MBNL2: variants seen among roughly 807,000 people sequenced by gnomAD.
The protein encoded by MBNL2 is muscleblind like splicing regulator 2, also known as muscleblind-like protein 2.
In MBNL2, 17 loss-of-function variants were observed where a neutral mutation model predicts 41.9. The observed-to-expected ratio is 0.41, with a 90% confidence interval of 0.28 to 0.61. The LOEUF is 0.61. MBNL2 is among the 20% of genes least tolerant of loss of function. The pLI is 0.35. For missense variants in MBNL2, 336 were observed against 505.6 expected, an observed-to-expected ratio of 0.66 and a Z score of 3.22; for synonymous variants, 195 against 182.9, an observed-to-expected ratio of 1.07 and a Z score of -0.53.
chr13:97,322,732 C>T (rs2059606018), intron 2 of MBNL2, among the ~76,000 whole-genome samples: 1 of 152,172 alleles, frequency 6.6e-6, no homozygotes, highest in African/African-American at 2.4e-5. Context: ...TTCCCTATTC[C>T]TGTCTCCATA....
Position 97,346,243 on chromosome 13 carries a change from AGATGGATGGATG to A in MBNL2, c.541-541_541-530del, listed in dbSNP as rs3055758. Among the ~76,000 whole-genome samples the A allele has an allele frequency of 5.7e-4, 86 of 151,022 alleles. No homozygotes were observed. The highest frequency in any genetic ancestry group is 3.4e-3 in the Middle Eastern group (1 of 292). ...AAATAATGATAGATTAACAGATAAT[AGATGGATGGATG>A]GATGGATGGATGGATGGATAGATGG... On this transcript the variant is annotated intron_variant, in intron 4 of 8. Transcript: ENST00000679496. This position sits in a 1 kb window ranked among gnomAD's most constrained non-coding sequence, Gnocchi z 4.2.
At chr13:97,381,914 A>T (rs958423013) in intron 8 of MBNL2, among the ~76,000 whole-genome samples, 1 of 151,998 alleles carries the variant, frequency 6.6e-6, no homozygotes, top group Non-Finnish European at 1.5e-5. Context: ...TAATATTAAG[A>T]CCTACCTTGG....
intron 3 of MBNL2, among the ~76,000 whole-genome samples, chr13:97,341,768 A>G (rs1406578388): frequency 1.3e-5 from 2 of 152,220 alleles, no homozygotes; most frequent in Admixed American, 1.3e-4. Flanking sequence ...TTTTCATAAG[A>G]GATATTTTTC....
intron 2 of MBNL2, among the ~76,000 whole-genome samples, chr13:97,302,715 T>C (rs997401149): frequency 2.0e-5 from 3 of 152,322 alleles, no homozygotes; most frequent in Admixed American, 1.3e-4. Flanking sequence ...GAGAAACTTC[T>C]AGGAGGCTGT....
chr13:97,189,002 C>T, the MBNL2 span, among the ~76,000 whole-genome samples: 1 of 152,180 alleles, frequency 6.6e-6, no homozygotes, highest in African/African-American at 2.4e-5. Context: ...ATTCATACAT[C>T]CCTCCATCTA....
the MBNL2 span, among the ~76,000 whole-genome samples, chr13:97,188,596 A>G: frequency 6.6e-6 from 1 of 152,032 alleles, no homozygotes; most frequent in Admixed American, 6.6e-5. Flanking sequence ...TGATGCACGT[A>G]TAATTCCCCC....
intron 3 of MBNL2, among the ~76,000 whole-genome samples, chr13:97,339,875 G>C (rs1027455625): frequency 8.0e-6 from 1 of 125,472 alleles, no homozygotes; most frequent in Non-Finnish European, 1.7e-5. Flanking sequence ...GTGTGTGGGC[G>C]GGGGGGGCGT....
At chr13:97,234,499 G>C (rs1594069719) in intron 1 of MBNL2, among the ~76,000 whole-genome samples, 1 of 152,220 alleles carries the variant, frequency 6.6e-6, no homozygotes, top group East Asian at 1.9e-4. Context: ...CACAGTGCGG[G>C]GGCGGGGGGT....
At chr13:97,191,172 A>G in the MBNL2 span, among the ~76,000 whole-genome samples, 2 of 151,590 alleles carry the variant, frequency 1.3e-5, no homozygotes, top group Non-Finnish European at 2.9e-5. Flanking sequence ...TTCACTTGCA[A>G]ATTGGTTGTG....
chr13:97,293,093 C>A (rs1252436958), intron 2 of MBNL2, among the ~76,000 whole-genome samples: 1 of 151,928 alleles, frequency 6.6e-6, no homozygotes, highest in Non-Finnish European at 1.5e-5. Context: ...CTTTCTCCAG[C>A]TTTCTTTTTA....
At chr13:97,296,523 T>C (rs9513230) in intron 2 of MBNL2, among the ~76,000 whole-genome samples, 15,085 of 152,202 alleles carry the variant, frequency 0.099, 889 homozygotes, top group African/African-American at 0.15. Flanking sequence ...CTAAGTGTGG[T>C]ATGATGCTCA....
the MBNL2 span, among the ~76,000 whole-genome samples, chr13:97,143,330 T>C: frequency 0.021 from 3,175 of 152,308 alleles, 56 homozygotes; most frequent in Admixed American, 0.038. Flanking sequence ...AGCCATTAGC[T>C]GATTTGGGTC....
intron 8 of MBNL2, among the ~76,000 whole-genome samples, chr13:97,388,743 G>T (rs990864915): frequency 2.6e-5 from 4 of 151,992 alleles, no homozygotes; most frequent in African/African-American, 7.3e-5. Flanking sequence ...ATATCTCCAG[G>T]GCATATTTCA....
chr13:97,339,244 ATGTGTTGTGTATATGAG>A, intron 3 of MBNL2, among the ~76,000 whole-genome samples: 1 of 144,580 alleles, frequency 6.9e-6, no homozygotes, highest in Admixed American at 6.9e-5. Context: ...GTGTATGAGT[ATGTGTTGTGTATATGAG>A]TGTGTTGTGT....
the MBNL2 span, among the ~76,000 whole-genome samples, chr13:97,215,395 C>T: frequency 5.3e-5 from 8 of 152,200 alleles, no homozygotes; most frequent in South Asian, 2.1e-4. Context: ...AGACACTGTG[C>T]GACCTACTAG....
chr13:97,329,039 C>T (rs573363415), intron 2 of MBNL2, among the ~76,000 whole-genome samples: 149 of 152,266 alleles, frequency 9.8e-4, no homozygotes, highest in South Asian at 8.9e-3. Flanking sequence ...ATTCCAATAG[C>T]ACCAATCTGT....
intron 2 of MBNL2, among the ~76,000 whole-genome samples, chr13:97,310,876 T>C (rs528863955): frequency 3.7e-4 from 56 of 151,992 alleles, no homozygotes; most frequent in Middle Eastern, 3.4e-3. Context: ...ATGAACTCTT[T>C]ATTAGATAGA....
the MBNL2 span, among the ~76,000 whole-genome samples, chr13:97,193,827 C>A: frequency 6.6e-6 from 1 of 152,174 alleles, no homozygotes; most frequent in East Asian, 1.9e-4. Context: ...AACTGTCTTT[C>A]TCGAGCATCT....
the MBNL2 span, among the ~76,000 whole-genome samples, chr13:97,159,982 T>TA: frequency 6.6e-6 from 1 of 152,136 alleles, no homozygotes; most frequent in South Asian, 2.1e-4. Flanking sequence ...GATAATATCC[T>TA]GCAGAGTGTT....
Sources: allele counts gnomAD v4.1 joint callset (sites outside exome capture counted in the v4.1 genomes callset), GRCh38; gene constraint gnomAD v4.1.1; non-coding constraint Gnocchi (gnomAD v3.1); transcripts MANE v1.5; gene names NCBI Gene and HGNC (gene_info 2026-07-23, HGNC 2026-07-21).